Variants in ST3GAL3 observed in about 807,000 individuals in gnomAD.
ST3GAL3 encodes the protein ST3 beta-galactoside alpha-2,3-sialyltransferase 3.
In ST3GAL3, 21 loss-of-function variants were observed where a neutral mutation model predicts 50.1. That is an observed-to-expected ratio of 0.42 (90% CI 0.30 to 0.60). The LOEUF (loss-of-function observed/expected upper bound fraction) is 0.60. Among genes scored for constraint, ST3GAL3 ranks in the 20% least tolerant of loss-of-function variants. The pLI is 0.19. For synonymous variants in ST3GAL3, 183 were observed against 190.0 expected, an observed-to-expected ratio of 0.96 and a Z score of 0.30; for missense variants, 353 against 489.4, an observed-to-expected ratio of 0.72 and a Z score of 2.63.
rs374921516 is a variant in ST3GAL3, at chr1:43,889,345, A to G, written c.303-5038A>G. ...AGAGATGAAAGCTAGACTTCTTTGA[A>G]TGTATTTTGTTTGTGAATTTAATTG... On this transcript the variant is annotated intron_variant, in intron 5 of 11. Transcript: ENST00000347631. 1.9e-4 allele frequency among the ~76,000 whole-genome samples: 29 copies of G among 152,306 alleles called. No homozygotes were observed. In the East Asian group the frequency reaches 3.9e-3, roughly 20 times the overall value.
Position 43,930,256 on chromosome 1 carries a change from C to T in ST3GAL3, c.*35C>T, listed in dbSNP as rs754735325. Reference sequence around the variant, plus strand: ...GCACATGGCCATAGAGGCCCAGGCACCACCAGGAGCAGCAGCCAGCACCAC... The same window carrying T: ...GCACATGGCCATAGAGGCCCAGGCATCACCAGGAGCAGCAGCCAGCACCAC... On this transcript the variant is annotated 3_prime_UTR_variant, in exon 12 of 12. Transcript: ENST00000347631. 5 of 1,591,670 alleles carry T rather than the reference C, an allele frequency of 3.1e-6. No homozygotes were observed. The highest frequency in any genetic ancestry group is 1.1e-5 in the South Asian group (1 of 90,630).
chr1:43,858,150 T>C (rs1441715994), intron 5 of ST3GAL3: 2 of 1,289,330 alleles, frequency 1.6e-6, no homozygotes, highest in East Asian at 1.1e-4. Flanking sequence ...AGAGAAATGG[T>C]GCATGGAGAC....
chr1:43,828,601 C>G (rs997042820), intron 4 of ST3GAL3, among the ~76,000 whole-genome samples: 6 of 152,106 alleles, frequency 3.9e-5, no homozygotes, highest in Admixed American at 3.3e-4. Flanking sequence ...CAAAAAGACA[C>G]CCTTTCCAGA....
chr1:43,876,068 A>T (rs2074060060), intron 5 of ST3GAL3, among the ~76,000 whole-genome samples: 1 of 151,782 alleles, frequency 6.6e-6, no homozygotes, highest in Non-Finnish European at 1.5e-5. Context: ...TCCAGGCTCA[A>T]GTGATGCTCC....
Position 43,899,252 on chromosome 1 carries a change from CATT to C in ST3GAL3, c.547_549del (p.Ile183del). The C allele has an allele frequency of 6.2e-7, 1 of 1,614,232 alleles. No individual in the cohort carries two copies. Among genetic ancestry groups the C allele is most frequent in the Non-Finnish European group, 8.5e-7 (1 of 1,180,042 alleles). On this transcript the variant is annotated inframe_deletion, in exon 8 of 12. Coordinates refer to ENST00000347631, the MANE Select transcript of ST3GAL3 (RefSeq NM_006279.5). This position sits in a 1 kb window ranked among gnomAD's most constrained non-coding sequence, Gnocchi z 5.4. ...TGGGGTCACGAATTGACGACTATGA[CATT>C]GTGGTGAGGTGAGCTCCCCAAAATG...
At position 43,899,647 on chromosome 1, in the gene ST3GAL3, C is replaced by T. The variant is rs199908871; in HGVS notation, c.664C>T (p.Arg222Cys). Residue 222 changes from arginine to cysteine, a missense_variant, in exon 9 of 12, where the codon CGC becomes TGC. Coordinates refer to ENST00000347631, the MANE Select transcript of ST3GAL3 (RefSeq NM_006279.5). This position sits in a 1 kb window ranked among gnomAD's most constrained non-coding sequence, Gnocchi z 5.4. ...GAMQRPEQYERDSLFVLAGFK... is the reference protein window; with the variant it reads ...GAMQRPEQYECDSLFVLAGFK... Reference sequence around the variant, plus strand: ...CATGCAGCGGCCTGAGCAGTACGAGCGCGATTCTCTCTTTGTCCTCGCCGG... The same window carrying T: ...CATGCAGCGGCCTGAGCAGTACGAGTGCGATTCTCTCTTTGTCCTCGCCGG... 4.3e-6 allele frequency: 7 copies of T among 1,614,024 alleles called. No individual in the cohort carries two copies. The highest frequency in any genetic ancestry group is 2.2e-5 in the South Asian group (2 of 91,088).
intron 2 of ST3GAL3, among the ~76,000 whole-genome samples, chr1:43,759,059 G>GCACACA (rs1491311114): frequency 4.5e-5 from 3 of 66,198 alleles, no homozygotes; most frequent in African/African-American, 2.1e-4. Context: ...ACAAACAAAA[G>GCACACA]CGCGCGCACA....
intron 1 of ST3GAL3, among the ~76,000 whole-genome samples, chr1:43,712,278 C>T (rs1377183416): frequency 6.6e-6 from 1 of 152,160 alleles, no homozygotes; most frequent in East Asian, 1.9e-4. Context: ...GGTAAGGAGC[C>T]CTCAGAAATA....
rs939033404 is a variant in ST3GAL3 at position 43,894,835 on chromosome 1, A to G, written c.397+358A>G. Among the ~76,000 whole-genome samples the G allele has an allele frequency of 2.6e-5, 4 of 151,856 alleles. 1 individual carries two copies. Among genetic ancestry groups the G allele is most frequent in the Admixed American group, 2.0e-4 (3 of 15,236 alleles). Reference sequence around the variant, plus strand: ...TTTTTAGTAGAGACAGGGTTTTACCATGTTGCCCAGGTTGATCTCAAACTC... The same window carrying G: ...TTTTTAGTAGAGACAGGGTTTTACCGTGTTGCCCAGGTTGATCTCAAACTC... On this transcript the variant is annotated intron_variant, in intron 6 of 11. Coordinates refer to ENST00000347631, the MANE Select transcript of ST3GAL3 (RefSeq NM_006279.5).
At chr1:43,847,218 AC>A (rs1174008001) in intron 5 of ST3GAL3, among the ~76,000 whole-genome samples, 1 of 152,204 alleles carries the variant, frequency 6.6e-6, no homozygotes, top group Non-Finnish European at 1.5e-5. Flanking sequence ...AAAATGTACA[AC>A]AACTTTGGAA....
At chr1:43,755,721 A>C (rs1282078574) in intron 2 of ST3GAL3, among the ~76,000 whole-genome samples, 1 of 152,242 alleles carries the variant, frequency 6.6e-6, no homozygotes, top group Non-Finnish European at 1.5e-5. Flanking sequence ...GCAGAAACAC[A>C]GTTTCACTTA....
At chr1:43,832,368 A>C (rs2063656287) in intron 4 of ST3GAL3, among the ~76,000 whole-genome samples, 1 of 152,212 alleles carries the variant, frequency 6.6e-6, no homozygotes, top group African/African-American at 2.4e-5. Context: ...GCTCAGATCA[A>C]GCAGTCCCTT....
Position 43,894,392 on chromosome 1 carries a change from G to A in ST3GAL3, c.312G>A (p.Lys104=). ...LMTAIFPRFS[K]PAPMFLDDSF... is the part of the protein sequence containing the mutation. ...TCCTGTTATATTCCAGGTTCTCCAA[G>A]CCAGCACCCATGTTCCTGGATGACT... Residue 104 remains lysine, a synonymous_variant, in exon 6 of 12, where the codon AAG becomes AAA. Coordinates refer to ENST00000347631, the MANE Select transcript of ST3GAL3 (RefSeq NM_006279.5). 6.2e-7 allele frequency: 1 copy of A among 1,614,146 alleles called. No individual in the cohort carries two copies. Among genetic ancestry groups the A allele is most frequent in the Non-Finnish European group, 8.5e-7 (1 of 1,180,014 alleles).
intron 2 of ST3GAL3, among the ~76,000 whole-genome samples, chr1:43,750,074 G>A (rs183973027): frequency 6.6e-6 from 1 of 152,232 alleles, no homozygotes; most frequent in Admixed American, 6.5e-5. Context: ...AGCACACAGA[G>A]TGGATTAAGA....
chr1:43,851,872 C>T (rs1411467090), intron 5 of ST3GAL3, among the ~76,000 whole-genome samples: 1 of 152,230 alleles, frequency 6.6e-6, no homozygotes, highest in Non-Finnish European at 1.5e-5. Flanking sequence ...ACGTGACTGG[C>T]CGCACCAACC....
intron 3 of ST3GAL3, among the ~76,000 whole-genome samples, chr1:43,804,996 A>G (rs2059710217): frequency 6.6e-6 from 1 of 152,084 alleles, no homozygotes; most frequent in African/African-American, 2.4e-5. Flanking sequence ...TGGAATACCA[A>G]CTCTGTGCCA....
At chr1:43,729,979 A>G (rs1027686083) in intron 1 of ST3GAL3, among the ~76,000 whole-genome samples, 1 of 152,240 alleles carries the variant, frequency 6.6e-6, no homozygotes, top group African/African-American at 2.4e-5. Flanking sequence ...CCTCACTTCT[A>G]GAATGTGTCA....
At chr1:43,887,018 T>C (rs2076086080) in intron 5 of ST3GAL3, among the ~76,000 whole-genome samples, 1 of 152,152 alleles carries the variant, frequency 6.6e-6, no homozygotes, top group Non-Finnish European at 1.5e-5. Flanking sequence ...CTGATAGATT[T>C]GTGGGTAAGG....
chr1:43,893,691 A>G (rs1317826721), intron 5 of ST3GAL3, among the ~76,000 whole-genome samples: 2 of 152,088 alleles, frequency 1.3e-5, no homozygotes, highest in African/African-American at 4.8e-5. Context: ...GGCCCAGATC[A>G]ACCCTTCCCC....
Sources: allele counts gnomAD v4.1 joint callset (sites outside exome capture counted in the v4.1 genomes callset), GRCh38; gene constraint gnomAD v4.1.1; non-coding constraint Gnocchi (gnomAD v3.1); transcripts MANE v1.5; gene names NCBI Gene and HGNC (gene_info 2026-07-23, HGNC 2026-07-21).